The following ARMC3 variants were observed in gnomAD, a reference collection of about 807,000 sequenced individuals.
ARMC3 encodes the protein armadillo repeat containing 3.
Under a neutral mutation model 90.3 loss-of-function variants are expected in ARMC3, and 74 were observed. The observed-to-expected ratio is 0.82, with a 90% CI of 0.68 to 0.99. The LOEUF (loss-of-function observed/expected upper bound fraction) is 0.99, where lower values mean the gene tolerates loss of function less well. ARMC3 is among the 50% of genes least tolerant of loss of function. The pLI is 0.00. For synonymous variants in ARMC3, 334 were observed against 361.8 expected (o/e 0.92, Z 0.87); for missense variants, 958 against 1,042.8 (o/e 0.92, Z 1.12).
chr10:23,008,979 G>C (rs544214464), intron 16 of ARMC3, 48 bp downstream of exon 16: 1 of 1,507,412 alleles, frequency 6.6e-7, no homozygotes, highest in Non-Finnish European at 9.2e-7. Flanking sequence ...GCTGGTGGAA[G>C]GGAGGGGTGG....
intron 8 of ARMC3, among the ~76,000 whole-genome samples, chr10:22,974,837 T>C (rs1166434183): frequency 6.6e-6 from 1 of 152,086 alleles, no homozygotes; most frequent in Non-Finnish European, 1.5e-5. Context: ...AGACAGGGTT[T>C]CACCATGTTG....
At chr10:22,997,495 T>TCTATTTATATA (rs1227989834) in intron 10 of ARMC3, 21 of 152,250 alleles carry the variant, frequency 1.4e-4, no homozygotes, top group African/African-American at 5.1e-4. Context: ...ACTAAAATTA[T>TCTATTTATATA]CTATTTATAT....
At chr10:23,026,806 A>C (rs1838732238) in intron 16 of ARMC3, among the ~76,000 whole-genome samples, 1 of 152,194 alleles carries the variant, frequency 6.6e-6, no homozygotes, top group African/African-American at 2.4e-5. Flanking sequence ...CAGTTAAGAT[A>C]ATGAATAGTT....
At chr10:22,986,906 C>T (rs894171100) in intron 10 of ARMC3, among the ~76,000 whole-genome samples, 1 of 151,910 alleles carries the variant, frequency 6.6e-6, no homozygotes, top group African/African-American at 2.4e-5. Flanking sequence ...TAAAAGGGGA[C>T]AAGAACAGCC....
At chr10:23,026,149 C>T (rs920479660) in intron 16 of ARMC3, among the ~76,000 whole-genome samples, 1 of 152,054 alleles carries the variant, frequency 6.6e-6, no homozygotes, top group Non-Finnish European at 1.5e-5. Flanking sequence ...TCACCAAACA[C>T]TTAAAGAATT....
At chr10:22,969,337 T>C (rs1233023052) in intron 8 of ARMC3, among the ~76,000 whole-genome samples, 1 of 152,250 alleles carries the variant, frequency 6.6e-6, no homozygotes, top group African/African-American at 2.4e-5. Flanking sequence ...TTTTATCTAA[T>C]AAAAGATGTG....
chr10:22,963,618 A>G (rs1835297431), intron 7 of ARMC3, among the ~76,000 whole-genome samples: 3 of 151,964 alleles, frequency 2.0e-5, no homozygotes. Flanking sequence ...GGGGCCAGGC[A>G]CGGTGGCTCA....
chr10:23,024,764 A>G lies in ARMC3; in HGVS notation c.2046-5832A>G, dbSNP rs189594661. On this transcript the variant is annotated intron_variant, in intron 16 of 18. Coordinates refer to ENST00000298032, the MANE Select transcript of ARMC3 (RefSeq NM_173081.5). ...AAGTAACACACAAGAAGGCAAGAAA[A>G]GAAGAGCAGAGGAATAAAAACCAAT... Among the ~76,000 whole-genome samples, 18 of 152,338 alleles carry G rather than the reference A, an allele frequency of 1.2e-4. No individual in the cohort carries two copies. The East Asian group carries it at 3.3e-3, about 28-fold the overall frequency.
chr10:22,933,841 C>T lies in ARMC3; in HGVS notation c.48+1797C>T, dbSNP rs934013847. Among the ~76,000 whole-genome samples, 5 of 152,100 alleles carry T rather than the reference C, an allele frequency of 3.3e-5. No individual in the cohort carries two copies. In the East Asian group the frequency reaches 7.7e-4, roughly 23 times the overall value. ...CGGAGTTTGCAGTGAGCTGAGATCC[C>T]ACCACTGCACTTCAGTCTAGGCAAC... On this transcript the variant is annotated intron_variant, in intron 2 of 18. Coordinates refer to ENST00000298032, the MANE Select transcript of ARMC3 (RefSeq NM_173081.5).
chr10:23,031,572 CTT>C (rs1208145579), intron 17 of ARMC3, among the ~76,000 whole-genome samples: 1 of 152,178 alleles, frequency 6.6e-6, no homozygotes, highest in Non-Finnish European at 1.5e-5. Flanking sequence ...ATCATTGACT[CTT>C]TGTCAGCCAG....
At chr10:22,942,217 G>C (rs1480588009) in intron 2 of ARMC3, among the ~76,000 whole-genome samples, 3 of 152,164 alleles carry the variant, frequency 2.0e-5, no homozygotes, top group Non-Finnish European at 2.9e-5. Context: ...TCTCTGTAGT[G>C]GGAGTAGTTG....
At chr10:22,969,040 G>C (rs1564361158) in intron 8 of ARMC3, among the ~76,000 whole-genome samples, 1 of 152,082 alleles carries the variant, frequency 6.6e-6, no homozygotes, top group Non-Finnish European at 1.5e-5. Flanking sequence ...TTAAGCCTTT[G>C]TTTCACTTGA....
At chr10:22,958,092 A>G (rs953142690) in intron 4 of ARMC3, among the ~76,000 whole-genome samples, 1 of 152,122 alleles carries the variant, frequency 6.6e-6, no homozygotes, top group African/African-American at 2.4e-5. Context: ...AACCTTTGTA[A>G]TATGTCTTAT....
intron 4 of ARMC3, among the ~76,000 whole-genome samples, chr10:22,958,561 A>C (rs1037508748): frequency 1.2e-4 from 19 of 152,272 alleles, no homozygotes; most frequent in African/African-American, 4.6e-4. Context: ...CTCATGATCG[A>C]GGAATATAGG....
At chr10:22,990,057 G>A (rs1836634267) in intron 10 of ARMC3, among the ~76,000 whole-genome samples, 2 of 152,144 alleles carry the variant, frequency 1.3e-5, no homozygotes, top group South Asian at 4.1e-4. Context: ...TACCTACAGT[G>A]CAGAGACTGA....
intron 10 of ARMC3, among the ~76,000 whole-genome samples, chr10:22,982,303 C>T (rs7083053): frequency 0.19 from 29,174 of 152,120 alleles, 2,994 homozygotes; most frequent in African/African-American, 0.26. Context: ...GCTTGAACCC[C>T]GGAGGTGGAG....
chr10:22,999,258 T>G (rs1837168021), intron 11 of ARMC3, among the ~76,000 whole-genome samples: 1 of 152,142 alleles, frequency 6.6e-6, no homozygotes, highest in South Asian at 2.1e-4. Context: ...TCAGAAAAAC[T>G]TTATTTAGGC....
rs762586797 is a variant in ARMC3, at chr10:23,007,011, G to A, written c.1829+30G>A. On this transcript the variant is annotated intron_variant, in intron 14 of 18. Transcript: ENST00000298032. ...GTCTCTGCAGGGAGAGGGGATGAAG[G>A]GAAGCACATACTGCTTGTTGTTGTT... is the stretch of plus-strand genomic sequence containing the variant. 13 of 1,515,142 alleles carry A rather than the reference G, an allele frequency of 8.6e-6. 1 individual carries two copies. In the South Asian group the frequency reaches 1.3e-4, roughly 16 times the overall value. 93.9% of individuals were successfully genotyped at this position (1,515,142 alleles called of 1,614,324 possible).
At chr10:22,932,586 A>G (rs1470229813) in intron 2 of ARMC3, among the ~76,000 whole-genome samples, 5 of 152,228 alleles carry the variant, frequency 3.3e-5, no homozygotes, top group Non-Finnish European at 7.3e-5. Context: ...ACAGGATTTT[A>G]TCTTCTCTCT....
Sources: gnomAD v4.1 joint callset for allele counts (sites outside exome capture counted in the v4.1 genomes callset) on GRCh38, gnomAD v4.1.1 for gene constraint, MANE v1.5 for transcripts, NCBI Gene and HGNC (gene_info 2026-07-23, HGNC 2026-07-21) for gene names.